TBC1D5: variants seen among roughly 807,000 people sequenced by gnomAD.
TBC1D5 encodes TBC1 domain family, member 5.
TBC1D5 carries 75 observed loss-of-function variants against 100.3 expected under a neutral mutation model. The ratio of observed to expected loss-of-function variants is 0.75; its 90% CI spans 0.62 to 0.91. The LOEUF (loss-of-function observed/expected upper bound fraction) is 0.91. Ranked by LOEUF, TBC1D5 falls within the 40% of genes least tolerant of loss-of-function variation. The pLI, the probability that TBC1D5 is intolerant of heterozygous loss-of-function variation, is 0.00. For synonymous variants in TBC1D5, 323 were observed against 325.6 expected, an observed-to-expected ratio of 0.99 and a Z score of 0.09; for missense variants, 910 against 942.4, an observed-to-expected ratio of 0.97 and a Z score of 0.45.
intron 3 of TBC1D5, among the ~76,000 whole-genome samples, chr3:17,504,358 C>T (rs1231666203): frequency 2.7e-5 from 4 of 149,630 alleles, no homozygotes; most frequent in African/African-American, 7.4e-5. Flanking sequence ...GTGGGTGCAG[C>T]GCACCAGCAT....
At chr3:17,223,833 T>G (rs1418501695) in intron 17 of TBC1D5, among the ~76,000 whole-genome samples, 1 of 152,056 alleles carries the variant, frequency 6.6e-6, no homozygotes, top group East Asian at 1.9e-4. Flanking sequence ...AGGCAGAGGT[T>G]GCAGTGAGCT....
At chr3:17,527,243 T>C (rs900341342) in intron 2 of TBC1D5, among the ~76,000 whole-genome samples, 2 of 152,084 alleles carry the variant, frequency 1.3e-5, no homozygotes, top group African/African-American at 4.8e-5. Flanking sequence ...AGTGTAGTCT[T>C]AGGAAGCACC....
At chr3:17,491,694 T>C (rs35302807) in intron 3 of TBC1D5, among the ~76,000 whole-genome samples, 13,846 of 152,120 alleles carry the variant, frequency 0.091, 1,422 homozygotes, top group African/African-American at 0.25. Flanking sequence ...GAAGTGCCGG[T>C]GGTTTGCCAG....
chr3:17,520,347 A>G (rs2096050459), intron 2 of TBC1D5, among the ~76,000 whole-genome samples: 1 of 152,222 alleles, frequency 6.6e-6, no homozygotes, highest in Non-Finnish European at 1.5e-5. Flanking sequence ...AGCTGGAAAG[A>G]TAAGAGGAAG....
At chr3:17,658,278 A>G (rs576576177) in intron 1 of TBC1D5, among the ~76,000 whole-genome samples, 1 of 152,356 alleles carries the variant, frequency 6.6e-6, no homozygotes, top group East Asian at 1.9e-4. Context: ...TAGCTATTTG[A>G]TTTCCTGCTA....
At chr3:17,590,742 C>A (rs565971550) in intron 2 of TBC1D5, among the ~76,000 whole-genome samples, 16 of 152,172 alleles carry the variant, frequency 1.1e-4, no homozygotes, top group East Asian at 9.7e-4. Flanking sequence ...CTGTCAAAGG[C>A]AAGGTGGGCA....
chr3:17,161,383 A>T, intron 21 of TBC1D5, 127 bp from the exon 23 acceptor site: 1 of 1,078,512 alleles, frequency 9.3e-7, no homozygotes, highest in Admixed American at 2.7e-5. Flanking sequence ...TTCGACCTTG[A>T]AAGACGCAGT....
intron 18 of TBC1D5, among the ~76,000 whole-genome samples, chr3:17,200,662 TTAAA>T (rs1339886576): frequency 6.6e-6 from 1 of 152,248 alleles, no homozygotes; most frequent in East Asian, 1.9e-4. Flanking sequence ...AATTGTCATC[TTAAA>T]TAAAAAGGAA....
At chr3:17,291,934 G>C (rs1463242666) in exon 15 of TBC1D5, 1 of 1,613,972 alleles carries the variant, frequency 6.2e-7, no homozygotes. Flanking sequence ...GAATCAGTGA[G>C]TGTACATCCC....
intron 15 of TBC1D5, among the ~76,000 whole-genome samples, chr3:17,289,310 G>A (rs1306052741): frequency 6.6e-6 from 1 of 152,150 alleles, no homozygotes; most frequent in Non-Finnish European, 1.5e-5. Flanking sequence ...CCGAGTGGAT[G>A]TAGTGCCTCC....
At chr3:17,619,745 G>C (rs924676310) in intron 2 of TBC1D5, among the ~76,000 whole-genome samples, 3 of 152,060 alleles carry the variant, frequency 2.0e-5, no homozygotes, top group Non-Finnish European at 4.4e-5. Context: ...AATTTCGCAG[G>C]ACAAAAATAC....
intron 3 of TBC1D5, among the ~76,000 whole-genome samples, chr3:17,484,490 T>TGTGTGTGTGTGTGTGTGTGTG (rs2095536962): frequency 5.0e-5 from 5 of 99,438 alleles, no homozygotes; most frequent in South Asian, 3.2e-4. Context: ...GTGTGTGTGT[T>TGTGTGTGTGTGTGTGTGTGTG]TGGGTAACAA....
chr3:17,641,281 C>A (rs1165180470), intron 1 of TBC1D5, among the ~76,000 whole-genome samples: 2 of 151,966 alleles, frequency 1.3e-5, no homozygotes, highest in Non-Finnish European at 2.9e-5. Flanking sequence ...TATTCACACA[C>A]AAAAAATACA....
intron 2 of TBC1D5, among the ~76,000 whole-genome samples, chr3:17,614,476 G>T (rs1217387186): frequency 2.0e-5 from 3 of 152,170 alleles, no homozygotes. Context: ...ATTACCCTGG[G>T]CAGTATGACC....
intron 1 of TBC1D5, among the ~76,000 whole-genome samples, chr3:17,650,930 G>GT (rs2065488179): frequency 6.6e-6 from 1 of 152,176 alleles, no homozygotes; most frequent in African/African-American, 2.4e-5. Context: ...GCATTGACAT[G>GT]TAAGAATTTC....
intron 1 of TBC1D5, among the ~76,000 whole-genome samples, chr3:17,631,135 T>C (rs759300391): frequency 6.6e-6 from 1 of 151,940 alleles, no homozygotes. Context: ...AAAAGTGCTA[T>C]TCCAATGAAC....
intron 2 of TBC1D5, among the ~76,000 whole-genome samples, chr3:17,616,562 C>CAAG (rs1445553656): frequency 1.3e-5 from 2 of 152,118 alleles, no homozygotes; most frequent in African/African-American, 4.8e-5. Context: ...CTTTTTGAAA[C>CAAG]TGGGTGCTCC....
intron 17 of TBC1D5, among the ~76,000 whole-genome samples, chr3:17,227,230 C>T (rs1156829908): frequency 6.6e-6 from 1 of 152,000 alleles, no homozygotes; most frequent in African/African-American, 2.4e-5. Context: ...AGGAAATGGT[C>T]GTGGTGGGTC....
intron 18 of TBC1D5, among the ~76,000 whole-genome samples, chr3:17,186,658 C>T (rs758673523): frequency 8.4e-6 from 1 of 118,898 alleles, no homozygotes. Context: ...TGAAGTGAGC[C>T]GAGATCATGC....
Sources: allele counts gnomAD v4.1 joint callset (sites outside exome capture counted in the v4.1 genomes callset), GRCh38; gene constraint gnomAD v4.1.1; transcripts MANE v1.5; gene names NCBI Gene and HGNC (gene_info 2026-07-23, HGNC 2026-07-21).